Variants in SLC26A7 observed in about 807,000 individuals in gnomAD.
SLC26A7 encodes anion exchange transporter.
Under a neutral mutation model 82.5 loss-of-function variants are expected in SLC26A7, and 59 were observed. The observed-to-expected ratio is 0.72, with a 90% CI of 0.58 to 0.89. The LOEUF is 0.89. Ranked by LOEUF, SLC26A7 falls within the 40% of genes least tolerant of loss-of-function variation. The probability of loss-of-function intolerance (pLI) is 0.00; values close to 1 mark genes in which losing one functional copy is unlikely to be tolerated. For synonymous variants in SLC26A7, 271 were observed against 274.3 expected (o/e 0.99, Z 0.12); for missense variants, 820 against 793.0 (o/e 1.03, Z -0.41).
chr8:91,273,282 C>A (rs1166678040), intron 2 of SLC26A7, among the ~76,000 whole-genome samples: 2 of 152,060 alleles, frequency 1.3e-5, no homozygotes, highest in African/African-American at 4.8e-5. Context: ...CCATTTGGGT[C>A]TAGACCTTAG....
chr8:91,239,495 C>G (rs1384897877), intron 2 of SLC26A7, among the ~76,000 whole-genome samples: 1 of 147,918 alleles, frequency 6.8e-6, no homozygotes, highest in Non-Finnish European at 1.5e-5. Context: ...TGTATGTGTA[C>G]ATATATATAC....
At chr8:91,351,449 G>A (rs761943819) in intron 9 of SLC26A7, among the ~76,000 whole-genome samples, 6 of 152,236 alleles carry the variant, frequency 3.9e-5, no homozygotes, top group Non-Finnish European at 5.9e-5. Context: ...AAGGAGGGGA[G>A]TCAGGCTAAA....
At chr8:91,296,119 A>T (rs879581693) in intron 4 of SLC26A7, among the ~76,000 whole-genome samples, 1 of 152,170 alleles carries the variant, frequency 6.6e-6, no homozygotes. Context: ...TTCAGATTTT[A>T]TGATGTTATT....
intron 14 of SLC26A7, among the ~76,000 whole-genome samples, chr8:91,367,906 T>C (rs766876849): frequency 6.6e-6 from 1 of 152,182 alleles, no homozygotes; most frequent in Middle Eastern, 3.2e-3. Context: ...CTGAGCCACA[T>C]TCCTGTCCCT....
At chr8:91,340,285 A>G (rs1038696091) in intron 7 of SLC26A7, 119 bp from the exon 8 acceptor site, 2 of 1,276,302 alleles carry the variant, frequency 1.6e-6, no homozygotes, top group Admixed American at 2.3e-5. Context: ...TGGTTTTCTC[A>G]TGGGTATTTC....
At chr8:91,351,987 T>C in intron 10 of SLC26A7, 100 bp downstream of exon 10, 6 of 915,850 alleles carry the variant, frequency 6.6e-6, no homozygotes, top group Non-Finnish European at 1.0e-5. Flanking sequence ...CAATCCTAAA[T>C]GTAGAAACCA....
chr8:91,277,749 T>G (rs1811443493), intron 2 of SLC26A7, among the ~76,000 whole-genome samples: 1 of 152,236 alleles, frequency 6.6e-6, no homozygotes, highest in Non-Finnish European at 1.5e-5. Context: ...TTTTTCAATT[T>G]TATAGTTTAA....
In SLC26A7 at chr8:91,393,844, T is replaced by C. The variant is rs112240943; in HGVS notation, c.1824T>C (p.His608=). 1 of 1,613,616 alleles carries C rather than the reference T, an allele frequency of 6.2e-7. No homozygotes were observed. Among genetic ancestry groups the C allele is most frequent in the African/African-American group, 1.3e-5 (1 of 74,916 alleles). The change falls in exon 17 of 19, where the codon CAT becomes CAC. Residue 608 remains histidine, a synonymous_variant. Coordinates refer to ENST00000276609, the MANE Select transcript of SLC26A7 (RefSeq NM_052832.4). ...KGRSVDVLLA[H]CTASLIKAMT... is the part of the protein sequence containing the mutation. ...GGAGTGTGGATGTATTGTTAGCCCATTGTACAGGTAAGAGAATGTCCCTGA... is the reference window on the plus strand; with the variant it reads ...GGAGTGTGGATGTATTGTTAGCCCACTGTACAGGTAAGAGAATGTCCCTGA...
At position 91,284,563 on chromosome 8, in the gene SLC26A7, A is replaced by T. The variant is rs143352894; in HGVS notation, c.194-4573A>T. 1.4e-4 allele frequency among the ~76,000 whole-genome samples: 22 copies of T among 152,300 alleles called. No homozygotes were observed. In the East Asian group the frequency reaches 4.2e-3, roughly 29 times the overall value. ...CATTGAACAGGCTTCGTCTCCTAAA[A>T]GTTACAGATATTGAGTCCTGAGAAT... On this transcript the variant is annotated intron_variant, in intron 2 of 18. Coordinates refer to ENST00000276609, the MANE Select transcript of SLC26A7 (RefSeq NM_052832.4).
In SLC26A7 at chr8:91,259,685, C is replaced by A. The variant is rs151128925; in HGVS notation, c.193+9841C>A. ...GCTTCTTTGCCTCAGGACATTTGCA[C>A]ATGGTATTTCCTCTAAAATGAATAA... On this transcript the variant is annotated intron_variant, in intron 2 of 18. Transcript: ENST00000276609. Among the ~76,000 whole-genome samples the A allele has an allele frequency of 6.4e-4, 97 of 152,176 alleles. 1 individual carries two copies. Among genetic ancestry groups the A allele is most frequent in the African/African-American group, 2.2e-3 (92 of 41,548 alleles).
chr8:91,358,869 G>A (rs949481166), intron 11 of SLC26A7, among the ~76,000 whole-genome samples: 12 of 152,028 alleles, frequency 7.9e-5, no homozygotes, highest in African/African-American at 2.9e-4. Context: ...CTCATAGGTG[G>A]GAATTGAACA....
intron 13 of SLC26A7, 80 bp downstream of exon 13, chr8:91,363,618 A>T: frequency 1.3e-6 from 1 of 790,534 alleles, no homozygotes; most frequent in Non-Finnish European, 2.0e-6. Flanking sequence ...CACAAAAATT[A>T]GATAAATTAT....
At chr8:91,342,249 C>T (rs1363225332) in intron 8 of SLC26A7, among the ~76,000 whole-genome samples, 2 of 152,130 alleles carry the variant, frequency 1.3e-5, no homozygotes, top group Non-Finnish European at 2.9e-5. Flanking sequence ...ATCAAATGCT[C>T]CTTTCTCAGG....
chr8:91,234,335 C>A (rs1220375206), intron 2 of SLC26A7, among the ~76,000 whole-genome samples: 2 of 152,134 alleles, frequency 1.3e-5, no homozygotes, highest in Non-Finnish European at 2.9e-5. Flanking sequence ...GGTGTCCCAC[C>A]AAACCCTTCA....
intron 15 of SLC26A7, among the ~76,000 whole-genome samples, chr8:91,373,874 A>G (rs1335694537): frequency 1.3e-5 from 2 of 151,812 alleles, no homozygotes; most frequent in African/African-American, 4.8e-5. Context: ...TTTGGTTGGT[A>G]GTTTTTTTTA....
At position 91,249,705 on chromosome 8, in the gene SLC26A7, C is replaced by G; in HGVS notation, c.54C>G (p.Thr18=). Residue 18 remains threonine (T), a synonymous_variant, in exon 2 of 19, where the codon ACC becomes ACG. Transcript: ENST00000276609. ...KKSMLWSKMH[T]PQCEDIIQWC... ...GCATGCTTTGGAGCAAGATGCATACCCCCCAGTGTGAAGACATTATACAGT... is the reference window on the plus strand; with the variant it reads ...GCATGCTTTGGAGCAAGATGCATACGCCCCAGTGTGAAGACATTATACAGT... 6.3e-7 allele frequency: 1 copy of G among 1,590,446 alleles called. No homozygotes were observed. The highest frequency in any genetic ancestry group is 1.1e-5 in the South Asian group (1 of 87,170).
chr8:91,297,336 T>A (rs1049288028), intron 4 of SLC26A7, among the ~76,000 whole-genome samples: 1 of 151,924 alleles, frequency 6.6e-6, no homozygotes, highest in Non-Finnish European at 1.5e-5. Context: ...TCAGGTATTC[T>A]GTTATTATCT....
At chr8:91,213,198 G>C (rs919010303) in intron 1 of SLC26A7, among the ~76,000 whole-genome samples, 3 of 152,154 alleles carry the variant, frequency 2.0e-5, no homozygotes, top group African/African-American at 7.2e-5. Flanking sequence ...ATGCTGCTTA[G>C]CTGGGTGGCT....
chr8:91,210,334 A>C (rs2130643565), intron 1 of SLC26A7, among the ~76,000 whole-genome samples: 1 of 152,320 alleles, frequency 6.6e-6, no homozygotes, highest in African/African-American at 2.4e-5. Context: ...TAGAACATGC[A>C]CAATTTCATT....
Sources: allele counts gnomAD v4.1 joint callset (sites outside exome capture counted in the v4.1 genomes callset), GRCh38; gene constraint gnomAD v4.1.1; transcripts MANE v1.5; gene names NCBI Gene and HGNC (gene_info 2026-07-23, HGNC 2026-07-21).